Variants in HSDL2 observed in about 807,000 individuals in gnomAD.
HSDL2 encodes the protein hydroxysteroid dehydrogenase-like protein 2.
Under a neutral mutation model 46.3 loss-of-function variants are expected in HSDL2, and 27 were observed. That is an observed-to-expected ratio of 0.58 (90% CI 0.43 to 0.80). The LOEUF (loss-of-function observed/expected upper bound fraction) is 0.80. Among genes scored for constraint, HSDL2 ranks in the 30% least tolerant of loss-of-function variants. The probability of loss-of-function intolerance (pLI) is 0.00; values close to 1 mark genes in which losing one functional copy is unlikely to be tolerated. For missense variants in HSDL2, 451 were observed against 502.7 expected (o/e 0.90, Z 0.98); for synonymous variants, 153 against 163.6 (o/e 0.94, Z 0.50).
rs530006791 is a variant in HSDL2 at position 112,438,043 on chromosome 9, C to T, written c.599-388C>T. 2.6e-4 allele frequency among the ~76,000 whole-genome samples: 39 copies of T among 152,046 alleles called. No individual in the cohort carries two copies. In the South Asian group the frequency reaches 2.7e-3, roughly 11 times the overall value. On this transcript the variant is annotated intron_variant, in intron 6 of 10. Coordinates refer to ENST00000398805, the MANE Select transcript of HSDL2 (RefSeq NM_032303.5). Reference sequence around the variant, plus strand: ...CGGACGGATCACAAGGTCAGGAGTTCGAGACCAGCCAACATGGTGAAACCC... The same window carrying T: ...CGGACGGATCACAAGGTCAGGAGTTTGAGACCAGCCAACATGGTGAAACCC...
At position 112,470,752 on chromosome 9, in the gene HSDL2, G is replaced by C; in HGVS notation, c.*208G>C. Reference sequence around the variant, plus strand: ...TAAGCTTCATTAAGTGGGATTCTAAGACAGTCTGTGTTTTTATATTTCAAG... The same window carrying C: ...TAAGCTTCATTAAGTGGGATTCTAACACAGTCTGTGTTTTTATATTTCAAG... On this transcript the variant is annotated 3_prime_UTR_variant, in exon 11 of 11. Coordinates refer to ENST00000398805, the MANE Select transcript of HSDL2 (RefSeq NM_032303.5). The C allele has an allele frequency of 2.5e-6, 1 of 392,598 alleles. No homozygotes were observed. Among genetic ancestry groups the C allele is most frequent in the East Asian group, 4.4e-5 (1 of 22,632 alleles). 24.3% of individuals were successfully genotyped at this position (392,598 alleles called of 1,614,324 possible).
chr9:112,464,952 C>T (rs1833333143), intron 10 of HSDL2, among the ~76,000 whole-genome samples: 1 of 152,168 alleles, frequency 6.6e-6, no homozygotes. Flanking sequence ...CTTTCTATCT[C>T]TATGGTTTTC....
chr9:112,429,650 A>C (rs1236944819), intron 6 of HSDL2, among the ~76,000 whole-genome samples: 1 of 152,242 alleles, frequency 6.6e-6, no homozygotes, highest in Non-Finnish European at 1.5e-5. Flanking sequence ...CTTATAGTCT[A>C]ATTGGGAGAG....
chr9:112,444,900 C>T (rs1250002638), intron 8 of HSDL2, among the ~76,000 whole-genome samples: 1 of 129,164 alleles, frequency 7.7e-6, no homozygotes, highest in Non-Finnish European at 1.6e-5. Context: ...GGTTTAGAGA[C>T]TGGGTCTCAC....
intron 6 of HSDL2, among the ~76,000 whole-genome samples, chr9:112,422,824 G>C (rs902548615): frequency 2.6e-5 from 4 of 152,124 alleles, no homozygotes; most frequent in Non-Finnish European, 5.9e-5. Context: ...GAATTTCAAG[G>C]ATAAAAAAAT....
At position 112,382,877 on chromosome 9, in the gene HSDL2, T is replaced by C. The variant is rs537997427; in HGVS notation, c.17+2697T>C. On this transcript the variant is annotated intron_variant, in intron 1 of 10. Transcript: ENST00000398805. ...ACTGTTTATTTAACATGGAGAAACA[T>C]GTTTTTGTGAAGCCAGAGTTATCAG... Among the ~76,000 whole-genome samples, 2 of 152,306 alleles carry C rather than the reference T, an allele frequency of 1.3e-5. 1 individual carries two copies. Among genetic ancestry groups the C allele is most frequent in the South Asian group, 4.1e-4 (2 of 4,834 alleles).
chr9:112,416,251 AG>A (rs1831989680), intron 4 of HSDL2, among the ~76,000 whole-genome samples: 1 of 151,862 alleles, frequency 6.6e-6, no homozygotes, highest in South Asian at 2.1e-4. Context: ...TTCTAAAAAA[AG>A]AAAAAAAAAA....
chr9:112,391,178 A>AAATAATAATAATAATAATAAT (rs57337984), intron 1 of HSDL2, among the ~76,000 whole-genome samples: 6 of 149,458 alleles, frequency 4.0e-5, no homozygotes, highest in Non-Finnish European at 7.4e-5. Context: ...TCCATCTCAA[A>AAATAATAATAATAATAATAAT]AATAATAATA....
At chr9:112,440,194 T>C (rs1832609749) in intron 7 of HSDL2, among the ~76,000 whole-genome samples, 1 of 152,058 alleles carries the variant, frequency 6.6e-6, no homozygotes, top group Non-Finnish European at 1.5e-5. Flanking sequence ...AAAATTTTAT[T>C]TAAATTAAAA....
intron 4 of HSDL2, among the ~76,000 whole-genome samples, chr9:112,413,592 A>G (rs1260744575): frequency 6.6e-6 from 1 of 152,108 alleles, no homozygotes; most frequent in African/African-American, 2.4e-5. Flanking sequence ...GTATTTTTCA[A>G]TTTAATTTAT....
Position 112,471,395 on chromosome 9 carries a change from G to A in HSDL2, c.*851G>A, listed in dbSNP as rs906268551. 6.6e-6 allele frequency: 1 copy of A among 152,188 alleles called. No individual in the cohort carries two copies. Among genetic ancestry groups the A allele is most frequent in the Non-Finnish European group, 1.5e-5 (1 of 68,050 alleles). 9.4% of individuals were successfully genotyped at this position (152,188 alleles called of 1,614,324 possible). A position where few individuals can be genotyped will look rare whatever the true frequency, so the allele number is the denominator to read the frequency against. On this transcript the variant is annotated 3_prime_UTR_variant, in exon 11 of 11. Coordinates refer to ENST00000398805, the MANE Select transcript of HSDL2 (RefSeq NM_032303.5). Reference sequence around the variant, plus strand: ...GGCTGTTAGTCTAATCCAACATGGTGTCCTTTGGACATAAGAGATACCAGC... The same window carrying A: ...GGCTGTTAGTCTAATCCAACATGGTATCCTTTGGACATAAGAGATACCAGC...
At chr9:112,456,529 T>A (rs1833029715) in intron 9 of HSDL2, among the ~76,000 whole-genome samples, 1 of 152,174 alleles carries the variant, frequency 6.6e-6, no homozygotes, top group African/African-American at 2.4e-5. Flanking sequence ...TGCTGGCTGC[T>A]TCTCCTCTAT....
At chr9:112,440,994 C>T (rs1219171347) in intron 7 of HSDL2, among the ~76,000 whole-genome samples, 3 of 149,936 alleles carry the variant, frequency 2.0e-5, no homozygotes, top group Non-Finnish European at 1.5e-5. Context: ...GGTGACAGAG[C>T]GAGACTCCGT....
chr9:112,463,631 G>A (rs533275280), intron 10 of HSDL2, among the ~76,000 whole-genome samples: 25 of 152,212 alleles, frequency 1.6e-4, no homozygotes, highest in African/African-American at 6.0e-4. Context: ...AGCCATTCTA[G>A]TGGGCATGTA....
chr9:112,462,860 G>A (rs1833255417), intron 10 of HSDL2, among the ~76,000 whole-genome samples: 1 of 152,064 alleles, frequency 6.6e-6, no homozygotes, highest in African/African-American at 2.4e-5. Flanking sequence ...CATTCCCAAA[G>A]CCCTAGCCAG....
rs71382433 is a variant in HSDL2, at chr9:112,459,006, CAAA to C, written c.1016-439_1016-437del. Among the ~76,000 whole-genome samples the C allele has an allele frequency of 7.2e-5, 11 of 152,044 alleles. No homozygotes were observed. The East Asian group carries it at 1.4e-3, about 19-fold the overall frequency. On this transcript the variant is annotated intron_variant, in intron 9 of 10. Transcript: ENST00000398805. ...CAAAAAAAAGAAAAGAAAAAGAAAA[CAAA>C]AAACAAAAACAAAAACAAAAACAAA...
rs372767904 is a variant in HSDL2, at chr9:112,456,046, G to T, written c.1015+1884G>T. Among the ~76,000 whole-genome samples, 4 of 152,286 alleles carry T rather than the reference G, an allele frequency of 2.6e-5. No homozygotes were observed. The East Asian group carries it at 5.8e-4, about 22-fold the overall frequency. ...GGTAATGACAGTATTGCAGTCCATG[G>T]ATCATACTTGGAAGCAAAGTTCTAG... On this transcript the variant is annotated intron_variant, in intron 9 of 10. Coordinates refer to ENST00000398805, the MANE Select transcript of HSDL2 (RefSeq NM_032303.5).
intron 9 of HSDL2, 24 bp downstream of exon 9, chr9:112,454,186 GAA>G: frequency 6.3e-7 from 1 of 1,590,854 alleles, no homozygotes; most frequent in South Asian, 1.1e-5. Context: ...CTGGTAATCT[GAA>G]GTTTTTATGA....
chr9:112,442,518 T>G (rs1832663916), intron 8 of HSDL2, among the ~76,000 whole-genome samples: 3 of 152,168 alleles, frequency 2.0e-5, no homozygotes, highest in Non-Finnish European at 4.4e-5. Flanking sequence ...AGGTTTGGGT[T>G]TTACTTTGTT....
Sources: allele counts gnomAD v4.1 joint callset (sites outside exome capture counted in the v4.1 genomes callset), GRCh38; gene constraint gnomAD v4.1.1; transcripts MANE v1.5; gene names NCBI Gene and HGNC (gene_info 2026-07-23, HGNC 2026-07-21).